The following ZNF70 variants were observed in gnomAD, a reference collection of about 807,000 sequenced individuals.
The protein encoded by ZNF70 is zinc finger protein 70.
Under a neutral mutation model 37.7 loss-of-function variants are expected in ZNF70, and 18 were observed. The ratio of observed to expected loss-of-function variants is 0.48; its 90% CI spans 0.33 to 0.71. ZNF70 has a LOEUF of 0.71. Among genes scored for constraint, ZNF70 ranks in the 30% least tolerant of loss-of-function variants. The pLI is 0.02. For synonymous variants in ZNF70, 219 were observed against 220.1 expected, an observed-to-expected ratio of 0.99 and a Z score of 0.05; for missense variants, 506 against 568.6, an observed-to-expected ratio of 0.89 and a Z score of 1.12.
rs749497272 is a variant in ZNF70, at chr22:23,743,962, G to C, written c.1179C>G (p.Thr393=). The C allele has an allele frequency of 6.2e-7, 1 of 1,614,166 alleles. No homozygotes were observed. The highest frequency in any genetic ancestry group is 1.1e-5 in the South Asian group (1 of 91,086). The stretch of plus-strand genomic sequence containing the variant: ...GCCGGAAGGCTTTGCCACACTCGCA[G>C]GTGTAGGGCTTCTTGCCGGTGTGGA... ...QRIHTGKKPY[T]CECGKAFRHR... The change falls in exon 2 of 2, where the codon ACC becomes ACG. Residue 393 remains threonine, a synonymous_variant. Transcript: ENST00000341976.
intron 1 of ZNF70, among the ~76,000 whole-genome samples, chr22:23,747,675 CA>C (rs1418182663): frequency 1.3e-5 from 2 of 151,940 alleles, no homozygotes; most frequent in South Asian, 2.1e-4. Flanking sequence ...ACTAGAAATA[CA>C]AAAAAATTAG....
rs925308765 is a variant in ZNF70 at position 23,740,701 on chromosome 22, G to A, written c.*3099C>T. On this transcript the variant is annotated 3_prime_UTR_variant, in exon 2 of 2. Transcript: ENST00000341976. The stretch of plus-strand genomic sequence containing the variant: ...TTGAACCCGGGAGGCAGAGGTTGCA[G>A]CAAGCCAAGATCGCACCACTGCACT... 2.3e-5 allele frequency: 3 copies of A among 132,606 alleles called. No individual in the cohort carries two copies. The highest frequency in any genetic ancestry group is 4.6e-5 in the Non-Finnish European group (3 of 65,852). The allele number at this position is 132,606 out of a possible 1,614,324, so 8.2% of individuals were successfully genotyped here.
rs1924902368 is a variant in ZNF70 at position 23,742,340 on chromosome 22, T to C, written c.*1460A>G. 1 of 152,218 alleles carries C rather than the reference T, an allele frequency of 6.6e-6. No individual in the cohort carries two copies. Among genetic ancestry groups the C allele is most frequent in the Admixed American group, 6.5e-5 (1 of 15,280 alleles). 9.4% of individuals were successfully genotyped at this position (152,218 alleles called of 1,614,324 possible). ...CTTTAAAACATGCCACCACTGGGGCTGACTGAACTGGTCCAGGTGGGACAC... is the reference window on the plus strand; with the variant it reads ...CTTTAAAACATGCCACCACTGGGGCCGACTGAACTGGTCCAGGTGGGACAC... On this transcript the variant is annotated 3_prime_UTR_variant, in exon 2 of 2. Transcript: ENST00000341976.
rs757866335 is a variant in ZNF70, at chr22:23,749,348, CAAAAAAAAAAAAAAAA to C, written c.-80+1347_-80+1362del. Among the ~76,000 whole-genome samples the C allele has an allele frequency of 6.1e-3, 88 of 14,354 alleles. 1 individual carries two copies. The highest frequency in any genetic ancestry group is 0.013 in the African/African-American group (53 of 4,024). The allele number at this position is 14,354 out of a possible 152,430, so 9.4% of individuals were successfully genotyped here. A position where few individuals can be genotyped will look rare whatever the true frequency, so the allele number is the denominator to read the frequency against. On this transcript the variant is annotated intron_variant, in intron 1 of 1. Coordinates refer to ENST00000341976, the MANE Select transcript of ZNF70 (RefSeq NM_021916.4). ...TGGGTAACAGAGCGAGACTCCATCT[CAAAAAAAAAAAAAAAA>C]AAAAAAAAAAAAAAAAAGCCGGCCG... is the stretch of plus-strand genomic sequence containing the variant.
At chr22:23,748,387 A>C (rs1172499958) in intron 1 of ZNF70, among the ~76,000 whole-genome samples, 1 of 152,014 alleles carries the variant, frequency 6.6e-6, no homozygotes, top group Non-Finnish European at 1.5e-5. Context: ...CTACAGGGGC[A>C]TATCAACACA....
At chr22:23,747,204 C>T (rs1019537331) in intron 1 of ZNF70, among the ~76,000 whole-genome samples, 5 of 152,182 alleles carry the variant, frequency 3.3e-5, no homozygotes, top group African/African-American at 1.2e-4. Flanking sequence ...GAGTGGGGGA[C>T]AGGCACCAGT....
At chr22:23,747,712 G>C (rs1256106796) in intron 1 of ZNF70, among the ~76,000 whole-genome samples, 2 of 152,052 alleles carry the variant, frequency 1.3e-5, no homozygotes, top group Non-Finnish European at 2.9e-5. Flanking sequence ...GGTGCCTGTA[G>C]TCCCAGCTAC....
rs1406139049 is a variant in ZNF70, at chr22:23,748,180, CAG to C, written c.-80+2529_-80+2530del. On this transcript the variant is annotated intron_variant, in intron 1 of 1. Coordinates refer to ENST00000341976, the MANE Select transcript of ZNF70 (RefSeq NM_021916.4). The stretch of plus-strand genomic sequence containing the variant: ...TACTGCATCTAGAGAGTAACTGCCT[CAG>C]AAAAAAAAAAAAAACTAAATTAATC... Among the ~76,000 whole-genome samples the C allele has an allele frequency of 1.3e-3, 167 of 129,146 alleles. 1 individual carries two copies. Among genetic ancestry groups the C allele is most frequent in the African/African-American group, 3.9e-3 (133 of 34,088 alleles). The allele number at this position is 129,146 out of a possible 152,430, so 84.7% of individuals were successfully genotyped here. A position where few individuals can be genotyped will look rare whatever the true frequency, so the allele number is the denominator to read the frequency against.
intron 1 of ZNF70, among the ~76,000 whole-genome samples, chr22:23,750,392 C>T (rs1429297337): frequency 2.0e-5 from 3 of 152,144 alleles, no homozygotes; most frequent in Non-Finnish European, 2.9e-5. Flanking sequence ...TCCCTTCACC[C>T]GCCCACATTG....
chr22:23,744,105 T>C lies in ZNF70; in HGVS notation c.1036A>G (p.Ser346Gly). The C allele has an allele frequency of 6.2e-7, 1 of 1,613,848 alleles. No homozygotes were observed. The highest frequency in any genetic ancestry group is 2.2e-5 in the East Asian group (1 of 44,830). The change falls in exon 2 of 2, where the codon AGC becomes GGC. Residue 346 changes from serine to glycine, a missense_variant. Transcript: ENST00000341976. ...TGCTCAATGAGGGAGGAGCTCTGGC[T>C]GAAGGCTTTCCCACACTTCTGGCAT... ...YKCQKCGKAF[S>G]QSSSLIEHQR...
rs772215046 is a variant in ZNF70 at position 23,745,201 on chromosome 22, CACTT to C, written c.-65_-62del. The C allele has an allele frequency of 9.1e-6, 14 of 1,530,550 alleles. No individual in the cohort carries two copies. The highest frequency in any genetic ancestry group is 1.2e-5 in the Non-Finnish European group (14 of 1,133,132). 94.8% of individuals were successfully genotyped at this position (1,530,550 alleles called of 1,614,324 possible). A position where few individuals can be genotyped will look rare whatever the true frequency, so the allele number is the denominator to read the frequency against. On this transcript the variant is annotated 5_prime_UTR_variant, in exon 2 of 2. The change creates a premature stop within an existing upstream ORF in the 5' untranslated region. Transcript: ENST00000341976. ...TTTAAAAATGTTCTTCTTTGGGCCA[CACTT>C]ACTGTTCTCACAATCTGAAAAGAAA...
chr22:23,743,920 A>C lies in ZNF70; in HGVS notation c.1221T>G (p.Ile407Met). Residue 407 changes from isoleucine to methionine, a missense_variant, in exon 2 of 2, where the codon ATT (isoleucine) becomes ATG (methionine). Ile to Met is a conservative substitution (Grantham distance 10). Transcript: ENST00000341976. ...CTCTGGTGTGGGTTTTATAGTGCTC[A>C]ATGAGGGCTGACCGGTGCCGGAAGG... Reference protein sequence around the residue: ...GKAFRHRSALIEHYKTHTREK... With the variant: ...GKAFRHRSALMEHYKTHTREK... 6.2e-7 allele frequency: 1 copy of C among 1,613,926 alleles called. No homozygotes were observed. Among genetic ancestry groups the C allele is most frequent in the African/African-American group, 1.3e-5 (1 of 74,966 alleles).
intron 1 of ZNF70, among the ~76,000 whole-genome samples, chr22:23,745,718 C>T (rs984845739): frequency 2.0e-5 from 3 of 152,014 alleles, no homozygotes; most frequent in African/African-American, 7.3e-5. Context: ...TTGCAGTGAG[C>T]GGAGATCAGC....
In ZNF70 at chr22:23,743,704, A is replaced by T; in HGVS notation, c.*96T>A. The T allele has an allele frequency of 6.7e-7, 1 of 1,487,424 alleles. No homozygotes were observed. Among genetic ancestry groups the T allele is most frequent in the Non-Finnish European group, 9.0e-7 (1 of 1,108,232 alleles). 92.1% of individuals were successfully genotyped at this position (1,487,424 alleles called of 1,614,324 possible). A position where few individuals can be genotyped will look rare whatever the true frequency, so the allele number is the denominator to read the frequency against. On this transcript the variant is annotated 3_prime_UTR_variant, in exon 2 of 2. Transcript: ENST00000341976. ...CGCTTAGGTGGGAAGGTTTCCATTCAGCATCAGGGAGGTAGGTGGGGTCTT... is the reference window on the plus strand; with the variant it reads ...CGCTTAGGTGGGAAGGTTTCCATTCTGCATCAGGGAGGTAGGTGGGGTCTT...
At position 23,741,926 on chromosome 22, in the gene ZNF70, G is replaced by A. The variant is rs1372490817; in HGVS notation, c.*1874C>T. 1 of 152,326 alleles carries A rather than the reference G, an allele frequency of 6.6e-6. No individual in the cohort carries two copies. The highest frequency in any genetic ancestry group is 1.5e-5 in the Non-Finnish European group (1 of 68,110). The allele number at this position is 152,326 out of a possible 1,614,324, so 9.4% of individuals were successfully genotyped here. A position where few individuals can be genotyped will look rare whatever the true frequency, so the allele number is the denominator to read the frequency against. On this transcript the variant is annotated 3_prime_UTR_variant, in exon 2 of 2. Coordinates refer to ENST00000341976, the MANE Select transcript of ZNF70 (RefSeq NM_021916.4). ...TCTGCTCAGCCAAAGCCAGCAGGCTGACATTGGAAGCTGTCGAGGGATGCA... is the reference window on the plus strand; with the variant it reads ...TCTGCTCAGCCAAAGCCAGCAGGCTAACATTGGAAGCTGTCGAGGGATGCA...
intron 1 of ZNF70, among the ~76,000 whole-genome samples, chr22:23,748,560 T>C (rs1429316975): frequency 5.3e-5 from 8 of 151,882 alleles, no homozygotes; most frequent in African/African-American, 1.9e-4. Context: ...TTTTTTTTTT[T>C]TGAGGTGGAG....
chr22:23,746,200 CCT>C (rs1925115766), intron 1 of ZNF70, among the ~76,000 whole-genome samples: 1 of 138,664 alleles, frequency 7.2e-6, no homozygotes, highest in Non-Finnish European at 1.6e-5. Context: ...ATGGTGGTTC[CCT>C]TTTTTTTTTT....
At chr22:23,749,912 C>A (rs543073998) in intron 1 of ZNF70, among the ~76,000 whole-genome samples, 17 of 152,142 alleles carry the variant, frequency 1.1e-4, no homozygotes, top group Non-Finnish European at 2.2e-4. Context: ...CCTTCTCCAT[C>A]CAGCTTAGAC....
intron 1 of ZNF70, among the ~76,000 whole-genome samples, chr22:23,746,137 G>A (rs5759986): frequency 0.36 from 55,069 of 151,070 alleles, 10,229 homozygotes; most frequent in East Asian, 0.65. Context: ...TCTCCCTCTG[G>A]TGCATGCCCT....
Sources: allele counts gnomAD v4.1 joint callset (sites outside exome capture counted in the v4.1 genomes callset), GRCh38; gene constraint gnomAD v4.1.1; transcripts MANE v1.5; gene names NCBI Gene and HGNC (gene_info 2026-07-23, HGNC 2026-07-21).